PCDHGA6: variants seen among roughly 807,000 people sequenced by gnomAD.
PCDHGA6 encodes the protein protocadherin gamma subfamily A, 6, also known as protocadherin gamma-A6.
Under a neutral mutation model 60.6 loss-of-function variants are expected in PCDHGA6, and 41 were observed. That is an observed-to-expected ratio of 0.68 (90% CI 0.53 to 0.88). The LOEUF (loss-of-function observed/expected upper bound fraction) is 0.88. Among genes scored for constraint, PCDHGA6 ranks in the 40% least tolerant of loss-of-function variants. PCDHGA6 has a pLI of 0.00. For missense variants in PCDHGA6, 1,312 were observed against 1,203.0 expected (o/e 1.09, Z -1.34); for synonymous variants, 594 against 524.4 (o/e 1.13, Z -1.81).
At chr5:141,468,063 A>G (rs2099157033) in intron 1 of PCDHGA6, among the ~76,000 whole-genome samples, 1 of 152,064 alleles carries the variant, frequency 6.6e-6, no homozygotes, top group South Asian at 2.1e-4. Flanking sequence ...AGTGGCTCAC[A>G]CCTGTAATCC....
At chr5:141,478,423 C>A (rs1355847104) in intron 1 of PCDHGA6, 1 of 1,613,672 alleles carries the variant, frequency 6.2e-7, no homozygotes, top group Admixed American at 1.7e-5. Context: ...CCCGCCGCAG[C>A]GACCCGCTGC....
intron 1 of PCDHGA6, chr5:141,423,091 G>A (rs1243671863): frequency 6.2e-7 from 1 of 1,613,908 alleles, no homozygotes; most frequent in Non-Finnish European, 8.5e-7. Flanking sequence ...CGCGGTGGGG[G>A]AGCACACGGG....
At chr5:141,501,510 T>A (rs11744379) in intron 2 of PCDHGA6, among the ~76,000 whole-genome samples, 1 of 151,824 alleles carries the variant, frequency 6.6e-6, no homozygotes, top group African/African-American at 2.4e-5. Flanking sequence ...CTCCAAGGCC[T>A]CCAAGCTGAA....
intron 1 of PCDHGA6, chr5:141,388,992 C>A: frequency 6.2e-7 from 1 of 1,613,952 alleles, no homozygotes; most frequent in Non-Finnish European, 8.5e-7. Flanking sequence ...GCTCAAAGTC[C>A]GTGACAAGGA....
At chr5:141,428,024 A>G (rs2097101613) in intron 1 of PCDHGA6, 1 of 1,606,106 alleles carries the variant, frequency 6.2e-7, no homozygotes, top group African/African-American at 1.3e-5. Context: ...CACGCGCCGC[A>G]GAGTCCGGCT....
intron 1 of PCDHGA6, among the ~76,000 whole-genome samples, chr5:141,481,913 CAAAAAAAAA>C (rs34114744): frequency 1.1e-5 from 1 of 90,852 alleles, no homozygotes; most frequent in Non-Finnish European, 2.2e-5. Flanking sequence ...AACTCCATCT[CAAAAAAAAA>C]AAAAAAAAAA....
intron 1 of PCDHGA6, chr5:141,418,471 G>A (rs199547102): frequency 1.9e-6 from 3 of 1,614,002 alleles, no homozygotes; most frequent in South Asian, 2.2e-5. Flanking sequence ...ACCGAGAAAC[G>A]CAGAGCGCTC....
At chr5:141,499,828 A>G (rs921957227) in intron 2 of PCDHGA6, among the ~76,000 whole-genome samples, 1 of 151,834 alleles carries the variant, frequency 6.6e-6, no homozygotes, top group Non-Finnish European at 1.5e-5. Context: ...CTAGGATTAC[A>G]GGTGTGCACC....
At chr5:141,452,635 T>C (rs1426970634) in intron 1 of PCDHGA6, among the ~76,000 whole-genome samples, 1 of 152,086 alleles carries the variant, frequency 6.6e-6, no homozygotes, top group Non-Finnish European at 1.5e-5. Context: ...GCTATGAATA[T>C]ATTTACTCAT....
At position 141,376,348 on chromosome 5, in the gene PCDHGA6, C is replaced by G; in HGVS notation, c.2265C>G (p.His755Gln). The change falls in exon 1 of 4, where the codon CAC becomes CAG. Residue 755 changes from histidine (H) to glutamine (Q), a missense_variant. Coordinates refer to ENST00000517434, the MANE Select transcript of PCDHGA6 (RefSeq NM_018919.3). ...GGGCTTTCCTGCAGACCTATTCCCA[C>G]GAGGTCTCACTCACTGCAGACTCGC... is the stretch of plus-strand genomic sequence containing the variant. ...GVRAFLQTYSHEVSLTADSRK... is the reference protein window; with the variant it reads ...GVRAFLQTYSQEVSLTADSRK... 6 of 1,614,184 alleles carry G rather than the reference C, an allele frequency of 3.7e-6. No homozygotes were observed. The highest frequency in any genetic ancestry group is 5.1e-6 in the Non-Finnish European group (6 of 1,180,040).
chr5:141,381,026 C>A (rs1409313580), intron 1 of PCDHGA6, among the ~76,000 whole-genome samples: 1 of 152,144 alleles, frequency 6.6e-6, no homozygotes, highest in Non-Finnish European at 1.5e-5. Flanking sequence ...CTATTAGTTC[C>A]TTTAAACAAA....
At chr5:141,387,936 T>G (rs200817766) in intron 1 of PCDHGA6, 31,224 of 1,475,552 alleles carry the variant, frequency 0.021, 381 homozygotes, top group Non-Finnish European at 0.026. Flanking sequence ...GCCAGTGCTC[T>G]TTCTCTTCCT....
chr5:141,481,897 G>A (rs916673176), intron 1 of PCDHGA6, among the ~76,000 whole-genome samples: 3 of 128,712 alleles, frequency 2.3e-5, no homozygotes, highest in South Asian at 5.0e-4. Context: ...CTGGGTGAAA[G>A]AGCGAAACTC....
At chr5:141,419,331 T>G (rs2096361475) in intron 1 of PCDHGA6, 2 of 1,613,840 alleles carry the variant, frequency 1.2e-6, no homozygotes, top group Non-Finnish European at 8.5e-7. Flanking sequence ...TCCTACTCTC[T>G]CATTGCCAGC....
intron 1 of PCDHGA6, chr5:141,392,860 T>G (rs726684): frequency 0.19 from 299,729 of 1,611,996 alleles, 30,027 homozygotes; most frequent in Admixed American, 0.35. Context: ...CTGATCCTGC[T>G]GTGCGCGCTG....
chr5:141,410,414 G>A lies in PCDHGA6; in HGVS notation c.2424+33907G>A, dbSNP rs201698858. On this transcript the variant is annotated intron_variant, in intron 1 of 3. Coordinates refer to ENST00000517434, the MANE Select transcript of PCDHGA6 (RefSeq NM_018919.3). ...TGGTCTCTGTGTCAAGTCTGGACCT[G>A]TAGTTCCCCCCAACTACAGTGAGGG... 2.0e-4 allele frequency: 326 copies of A among 1,613,916 alleles called. 1 individual carries two copies. The highest frequency in any genetic ancestry group is 2.7e-4 in the Non-Finnish European group (315 of 1,179,910).
chr5:141,510,553 A>C (rs1471878583), intron 3 of PCDHGA6, among the ~76,000 whole-genome samples: 1 of 152,162 alleles, frequency 6.6e-6, no homozygotes, highest in African/African-American at 2.4e-5. Context: ...TGTTTTGAGC[A>C]CTTACATCTA....
Position 141,429,387 on chromosome 5 carries a change from TAAA to T in PCDHGA6, c.2424+52886_2424+52888del, listed in dbSNP as rs11410533. Among the ~76,000 whole-genome samples, 27 of 151,446 alleles carry T rather than the reference TAAA, an allele frequency of 1.8e-4. No homozygotes were observed. In the East Asian group the frequency reaches 1.9e-3, roughly 11 times the overall value. ...AAATGGAGAAAATGTGTTTTTTTTTTAAAAAAAATTGAGATTAAGGTCTCATTA... is the reference window on the plus strand; with the variant it reads ...AAATGGAGAAAATGTGTTTTTTTTTTAAAAATTGAGATTAAGGTCTCATTA... On this transcript the variant is annotated intron_variant, in intron 1 of 3. Coordinates refer to ENST00000517434, the MANE Select transcript of PCDHGA6 (RefSeq NM_018919.3).
At chr5:141,430,817 C>T (rs200369093) in intron 1 of PCDHGA6, 2 of 1,539,796 alleles carry the variant, frequency 1.3e-6, no homozygotes, top group Non-Finnish European at 1.7e-6. Flanking sequence ...GGGAATCCTC[C>T]TGGGGACTCT....
Sources: gnomAD v4.1 joint callset for allele counts (sites outside exome capture counted in the v4.1 genomes callset) on GRCh38, gnomAD v4.1.1 for gene constraint, MANE v1.5 for transcripts, NCBI Gene and HGNC (gene_info 2026-07-23, HGNC 2026-07-21) for gene names.